The following APOL3 variants were observed in gnomAD, a reference collection of about 807,000 sequenced individuals.
APOL3 encodes apolipoprotein L3, also known as TNF-inducible protein CG12-1.
A neutral mutation model predicts 11.6 loss-of-function variants in APOL3; 14 were observed. That is an observed-to-expected ratio of 1.21 (90% CI 0.80 to 1.89). The LOEUF (loss-of-function observed/expected upper bound fraction) is 1.89, where lower values mean the gene tolerates loss of function less well. APOL3 is among the 40% of genes most tolerant of loss of function. The pLI is 0.00. For synonymous variants in APOL3, 192 were observed against 190.6 expected (o/e 1.01, Z -0.06); for missense variants, 483 against 492.1 (o/e 0.98, Z 0.17).
At chr22:36,165,699 G>A (rs894650721), upstream of APOL3, 3 of 151,910 alleles carry the variant, frequency 2.0e-5, no homozygotes, top group Admixed American at 6.6e-5. Flanking sequence ...TGATATCTAC[G>A]TGGGCCCCTT....
intron 1 of APOL3, among the ~76,000 whole-genome samples, chr22:36,159,880 C>CT (rs1203226199): frequency 0.026 from 3,773 of 145,872 alleles, 147 homozygotes; most frequent in African/African-American, 0.083. Flanking sequence ...CTCTCTCTCT[C>CT]TTTTTTTTTT....
intron 1 of APOL3, chr22:36,153,287 C>T (rs762384711): frequency 4.7e-5 from 20 of 422,766 alleles, no homozygotes; most frequent in Non-Finnish European, 8.1e-5. Context: ...CTGCTAACCT[C>T]AATAATGGTT....
At chr22:36,150,051 A>G (rs961765803) in intron 1 of APOL3, 2 of 382,432 alleles carry the variant, frequency 5.2e-6, no homozygotes, top group Non-Finnish European at 1.0e-5. Context: ...GTTTCAAGCA[A>G]TCCTCCTGCC....
At chr22:36,157,127 A>G (rs1032377874) in intron 1 of APOL3, 1 of 415,410 alleles carries the variant, frequency 2.4e-6, no homozygotes. Flanking sequence ...TTACTTTTGT[A>G]CGAGGAGAAA....
exon 3 of APOL3, chr22:36,141,916 C>G: frequency 6.2e-7 from 1 of 1,614,216 alleles, no homozygotes; most frequent in Non-Finnish European, 8.5e-7. Context: ...TCTATGGACT[C>G]CTGGATCTTC....
chr22:36,146,967 A>T (rs891458766), intron 1 of APOL3, among the ~76,000 whole-genome samples: 1 of 152,062 alleles, frequency 6.6e-6, no homozygotes, highest in African/African-American at 2.4e-5. Flanking sequence ...CCGTGGACAC[A>T]CTTGCGAGGC....
exon 2 of APOL3, chr22:36,145,517 G>A (rs894405385): frequency 1.2e-5 from 20 of 1,614,066 alleles, no homozygotes; most frequent in Non-Finnish European, 1.4e-5. Context: ...AGGCTTCATT[G>A]TTAGTCAGCA....
chr22:36,153,315 A>G lies in APOL3; in HGVS notation c.223+7354T>C, dbSNP rs561016315. The G allele has an allele frequency of 6.3e-5, 28 of 446,736 alleles. No homozygotes were observed. In the Middle Eastern group the frequency reaches 5.6e-3, roughly 90 times the overall value. 27.7% of individuals were successfully genotyped at this position (446,736 alleles called of 1,614,324 possible). The stretch of plus-strand genomic sequence containing the variant: ...TAATGGTTTGGATTGTGGTGCCACC[A>G]CCTTAAAGTTGATGGAGAAGTGTGA... On this transcript the variant is annotated intron_variant, in intron 1 of 2. Coordinates refer to ENST00000349314, the Ensembl canonical transcript of APOL3.
chr22:36,143,838 T>G (rs2060090075), intron 2 of APOL3, among the ~76,000 whole-genome samples: 1 of 152,236 alleles, frequency 6.6e-6, no homozygotes, highest in Non-Finnish European at 1.5e-5. Flanking sequence ...GAACCTCTTA[T>G]GGACTCATGA....
exon 3 of APOL3, chr22:36,140,935 A>C (rs570778457): frequency 1.3e-5 from 6 of 466,644 alleles, no homozygotes; most frequent in Non-Finnish European, 2.3e-5. Flanking sequence ...CGTTAGTCTA[A>C]AGGAAATTTC....
At chr22:36,164,417 G>A (rs908098948), upstream of APOL3, among the ~76,000 whole-genome samples, 8 of 152,132 alleles carry the variant, frequency 5.3e-5, no homozygotes. Flanking sequence ...AGGACCTGTC[G>A]TCTATCTGTA....
intron 1 of APOL3, among the ~76,000 whole-genome samples, chr22:36,150,265 G>A (rs1423765360): frequency 1.3e-5 from 2 of 152,156 alleles, no homozygotes; most frequent in African/African-American, 4.8e-5. Context: ...ATCCCTTCAA[G>A]ATCTGACTAC....
At chr22:36,158,406 T>C (rs2013248055) in intron 1 of APOL3, among the ~76,000 whole-genome samples, 1 of 152,188 alleles carries the variant, frequency 6.6e-6, no homozygotes, top group South Asian at 2.1e-4. Flanking sequence ...AGAGGGCAAG[T>C]GTGCAGGGAC....
chr22:36,163,351 G>A (rs2013779699), upstream of APOL3, among the ~76,000 whole-genome samples: 1 of 152,220 alleles, frequency 6.6e-6, no homozygotes, highest in Non-Finnish European at 1.5e-5. Context: ...TAGGCCCATA[G>A]TGGGTCATAA....
exon 3 of APOL3, chr22:36,140,939 A>G (rs1206625005): frequency 4.2e-6 from 2 of 471,342 alleles, no homozygotes; most frequent in East Asian, 3.5e-5. Flanking sequence ...AGTCTAAAGG[A>G]AATTTCTTCT....
exon 3 of APOL3, chr22:36,141,011 C>A (rs889649824): frequency 2.3e-5 from 18 of 769,210 alleles, no homozygotes; most frequent in African/African-American, 8.7e-5. Flanking sequence ...GCATTCCTGC[C>A]TTCTCCTTGG....
At chr22:36,157,224 G>A (rs532285513) in intron 1 of APOL3, among the ~76,000 whole-genome samples, 3 of 152,240 alleles carry the variant, frequency 2.0e-5, no homozygotes, top group Non-Finnish European at 2.9e-5. Context: ...CCACGGCAAT[G>A]GCCCAGGCCT....
intron 1 of APOL3, chr22:36,159,488 AAC>A (rs1047230027): frequency 2.0e-5 from 3 of 152,172 alleles, no homozygotes; most frequent in African/African-American, 7.2e-5. Context: ...TGCTTCTACA[AAC>A]ACAGAGGGCT....
intron 2 of APOL3, among the ~76,000 whole-genome samples, chr22:36,142,364 T>C (rs2060029890): frequency 6.6e-6 from 1 of 152,168 alleles, no homozygotes; most frequent in Non-Finnish European, 1.5e-5. Flanking sequence ...ACATCATCCC[T>C]CCAATAGTGT....
Sources: gnomAD v4.1 joint callset for allele counts (sites outside exome capture counted in the v4.1 genomes callset) on GRCh38, gnomAD v4.1.1 for gene constraint, MANE v1.5 for transcripts, NCBI Gene and HGNC (gene_info 2026-07-23, HGNC 2026-07-21) for gene names.